LPXN: variants seen among roughly 807,000 people sequenced by gnomAD.
The protein encoded by LPXN is leupaxin.
In LPXN, 28 loss-of-function variants were observed where a neutral mutation model predicts 45.6. That is an observed-to-expected ratio of 0.61 (90% CI 0.45 to 0.84). LPXN has a LOEUF of 0.84. LPXN is among the 40% of genes least tolerant of loss of function. The pLI is 0.00. For synonymous variants in LPXN, 166 were observed against 169.9 expected (o/e 0.98, Z 0.18); for missense variants, 459 against 475.0 (o/e 0.97, Z 0.31).
chr11:58,537,672 G>A (rs1033412329), intron 7 of LPXN, among the ~76,000 whole-genome samples: 11 of 151,984 alleles, frequency 7.2e-5, no homozygotes, highest in Non-Finnish European at 1.3e-4. Context: ...TAATAAAAAC[G>A]AAATAGTTCA....
intron 7 of LPXN, among the ~76,000 whole-genome samples, chr11:58,537,941 G>T (rs760838304): frequency 2.9e-4 from 30 of 103,650 alleles, no homozygotes; most frequent in Non-Finnish European, 3.9e-4. Context: ...CCCCACAACA[G>T]TCCCCAGAGT....
chr11:58,546,372 T>C (rs958452538), intron 7 of LPXN, among the ~76,000 whole-genome samples: 8 of 151,296 alleles, frequency 5.3e-5, no homozygotes, highest in Non-Finnish European at 1.0e-4. Context: ...GCAATGATTA[T>C]TTCTGTAAAT....
intron 4 of LPXN, 193 bp downstream of exon 4, chr11:58,554,648 A>G: frequency 2.1e-6 from 1 of 466,052 alleles, no homozygotes; most frequent in Admixed American, 3.9e-5. Flanking sequence ...GTGTCCAAAT[A>G]ACACATAGTA....
At chr11:58,547,778 A>C (rs1810349644) in intron 7 of LPXN, among the ~76,000 whole-genome samples, 1 of 152,230 alleles carries the variant, frequency 6.6e-6, no homozygotes, top group South Asian at 2.1e-4. Context: ...TCTTAAATTG[A>C]TTTTATATTT....
At chr11:58,533,611 T>A (rs1371988637) in intron 7 of LPXN, among the ~76,000 whole-genome samples, 4 of 152,122 alleles carry the variant, frequency 2.6e-5, no homozygotes, top group Admixed American at 6.6e-5. Context: ...AAACTGTTCA[T>A]AACAGTTCTT....
At chr11:58,564,702 A>T (rs1212210424) in intron 2 of LPXN, among the ~76,000 whole-genome samples, 1 of 152,248 alleles carries the variant, frequency 6.6e-6, no homozygotes, top group Non-Finnish European at 1.5e-5. Flanking sequence ...AAGCAAAAAA[A>T]TCAAATAAAA....
At chr11:58,534,824 A>G (rs1488131904) in intron 7 of LPXN, among the ~76,000 whole-genome samples, 1 of 152,244 alleles carries the variant, frequency 6.6e-6, no homozygotes, top group Non-Finnish European at 1.5e-5. Context: ...ACACAAAAAA[A>G]TGATAAAGGG....
At chr11:58,531,638 G>T (rs1343309227) in intron 7 of LPXN, among the ~76,000 whole-genome samples, 3 of 152,128 alleles carry the variant, frequency 2.0e-5, no homozygotes, top group Non-Finnish European at 4.4e-5. Flanking sequence ...CACTCTTCAG[G>T]ATATTATCCA....
chr11:58,534,610 G>T (rs1012524789), intron 7 of LPXN, among the ~76,000 whole-genome samples: 3 of 152,108 alleles, frequency 2.0e-5, no homozygotes, highest in African/African-American at 7.2e-5. Context: ...CACATTAAAA[G>T]AACTAGAGAA....
Position 58,527,526 on chromosome 11 carries a change from C to T in LPXN, c.1089G>A (p.Ser363=), listed in dbSNP as rs776732781. The change falls in exon 9 of 9, where the codon TCG becomes TCA. Residue 363 remains serine, a synonymous_variant. Coordinates refer to ENST00000395074, the MANE Select transcript of LPXN (RefSeq NM_004811.3). The part of the protein sequence containing the change: ...FVCAFCLTQL[S]KGIFREQNDK... ...CATTCTGCTCCCTGAAAATGCCCTTCGACAACTGTGTCAGGCAGAAAGCAC... is the reference window on the plus strand; with the variant it reads ...CATTCTGCTCCCTGAAAATGCCCTTTGACAACTGTGTCAGGCAGAAAGCAC... The T allele has an allele frequency of 5.0e-6, 8 of 1,614,018 alleles. No homozygotes were observed. The highest frequency in any genetic ancestry group is 4.5e-5 in the East Asian group (2 of 44,892).
upstream of LPXN, chr11:58,578,080 A>T (rs1854961977): frequency 6.5e-7 from 1 of 1,549,240 alleles, no homozygotes; most frequent in Non-Finnish European, 8.7e-7. Flanking sequence ...AGGAGGTGTC[A>T]TCTGACCAAA....
chr11:58,534,238 A>T (rs1853481452), intron 7 of LPXN, among the ~76,000 whole-genome samples: 1 of 152,216 alleles, frequency 6.6e-6, no homozygotes, highest in Admixed American at 6.5e-5. Flanking sequence ...TCAGCACCAC[A>T]TCATATTTAT....
chr11:58,566,513 C>T (rs916740617), intron 2 of LPXN, among the ~76,000 whole-genome samples: 57 of 152,300 alleles, frequency 3.7e-4, no homozygotes, highest in Non-Finnish European at 6.3e-4. Context: ...CATAGACTTT[C>T]ACAATTTTTC....
Position 58,570,614 on chromosome 11 carries a change from G to A in LPXN, c.113C>T (p.Thr38Ile). Residue 38 changes from threonine (T) to isoleucine (I), a missense_variant, in exon 2 of 9, where the codon ACT becomes ATT. Transcript: ENST00000395074. The stretch of plus-strand genomic sequence containing the variant: ...GATCTCCGAAGTCTCATCAAGGTTA[G>A]TCTCCTTTCTGGAATGCTGATCCAG... The part of the protein sequence containing the change: ...LPLDQHSRKE[T>I]NLDETSEILS... 1 of 1,613,672 alleles carries A rather than the reference G, an allele frequency of 6.2e-7. No homozygotes were observed. The highest frequency in any genetic ancestry group is 8.5e-7 in the Non-Finnish European group (1 of 1,179,828).
At chr11:58,556,668 G>T (rs1466581600) in intron 3 of LPXN, among the ~76,000 whole-genome samples, 5 of 152,144 alleles carry the variant, frequency 3.3e-5, no homozygotes, top group Non-Finnish European at 7.4e-5. Flanking sequence ...GATCAGGGTG[G>T]TGATTAGATA....
At chr11:58,577,461 C>A (rs746704018), upstream of LPXN, among the ~76,000 whole-genome samples, 9 of 152,046 alleles carry the variant, frequency 5.9e-5, no homozygotes, top group Non-Finnish European at 1.2e-4. Context: ...ATCCCCAGAT[C>A]TTGTTTCCAG....
At chr11:58,534,203 G>A (rs866971324) in intron 7 of LPXN, among the ~76,000 whole-genome samples, 12 of 152,062 alleles carry the variant, frequency 7.9e-5, no homozygotes, top group Admixed American at 4.6e-4. Context: ...CTCTCCACCC[G>A]AAATCAACAG....
chr11:58,532,969 C>T (rs760521969), intron 7 of LPXN, among the ~76,000 whole-genome samples: 1 of 152,128 alleles, frequency 6.6e-6, no homozygotes, highest in African/African-American at 2.4e-5. Context: ...ACGAATCCAC[C>T]AGGAGGAATG....
chr11:58,527,366 A>G lies in LPXN; in HGVS notation c.*88T>C. The G allele has an allele frequency of 7.3e-7, 1 of 1,370,444 alleles. No homozygotes were observed. Among genetic ancestry groups the G allele is most frequent in the South Asian group, 1.3e-5 (1 of 78,224 alleles). 84.9% of individuals were successfully genotyped at this position (1,370,444 alleles called of 1,614,324 possible). A position where few individuals can be genotyped will look rare whatever the true frequency, so the allele number is the denominator to read the frequency against. On this transcript the variant is annotated 3_prime_UTR_variant, in exon 9 of 9. Coordinates refer to ENST00000395074, the MANE Select transcript of LPXN (RefSeq NM_004811.3). Reference sequence around the variant, plus strand: ...CTTTTTCTATAAGACTATTAAGCAGAAGGTCAGTAACAGAAAATTTACCCT... The same window carrying G: ...CTTTTTCTATAAGACTATTAAGCAGGAGGTCAGTAACAGAAAATTTACCCT...
Sources: allele counts gnomAD v4.1 joint callset (sites outside exome capture counted in the v4.1 genomes callset), GRCh38; gene constraint gnomAD v4.1.1; transcripts MANE v1.5; gene names NCBI Gene and HGNC (gene_info 2026-07-23, HGNC 2026-07-21).